Variants in HCN1 observed in about 807,000 individuals in gnomAD.
HCN1 encodes hyperpolarization activated cyclic nucleotide gated potassium channel 1, also known as potassium/sodium hyperpolarization-activated cyclic nucleotide-gated channel 1.
In HCN1, 13 loss-of-function variants were observed where a neutral mutation model predicts 78.9. That is an observed-to-expected ratio of 0.16 (90% CI 0.11 to 0.26). The LOEUF (loss-of-function observed/expected upper bound fraction) is 0.26. HCN1 is among the 10% of genes least tolerant of loss of function. The pLI, the probability that HCN1 is intolerant of heterozygous loss-of-function variation, is 1.00. For synonymous variants in HCN1, 552 were observed against 455.5 expected, an observed-to-expected ratio of 1.21 and a Z score of -2.70; for missense variants, 810 against 1,154.3, an observed-to-expected ratio of 0.70 and a Z score of 4.32.
Position 45,396,618 on chromosome 5 carries a change from G to A in HCN1, c.1104C>T (p.Ser368=). 1 of 1,613,862 alleles carries A rather than the reference G, an allele frequency of 6.2e-7. No individual in the cohort carries two copies. Residue 368 remains serine, a synonymous_variant, in exon 4 of 8, where the codon AGC becomes AGT. Transcript: ENST00000303230. ...GCATGGTAATCCAGAGGTCAGACATGCTGACTGGGGCTTGGGCTCCATACC... is the reference window on the plus strand; with the variant it reads ...GCATGGTAATCCAGAGGTCAGACATACTGACTGGGGCTTGGGCTCCATACC... ...CIGYGAQAPV[S]MSDLWITMLS...
At chr5:45,587,698 T>TA (rs569434433) in intron 2 of HCN1, among the ~76,000 whole-genome samples, 1 of 151,836 alleles carries the variant, frequency 6.6e-6, no homozygotes, top group Non-Finnish European at 1.5e-5. Context: ...TAAAGTATAA[T>TA]AAAAAAAGAA....
intron 3 of HCN1, among the ~76,000 whole-genome samples, chr5:45,405,449 C>T (rs1739901444): frequency 6.6e-6 from 1 of 152,040 alleles, no homozygotes; most frequent in East Asian, 1.9e-4. Context: ...TGCTCTCTTC[C>T]CTAGGCTGGA....
In HCN1 at chr5:45,593,340, T is replaced by TCACACA. The variant is rs538486679; in HGVS notation, c.849+51839_849+51844dup. On this transcript the variant is annotated intron_variant, in intron 2 of 7. Transcript: ENST00000303230. ...CTCTCTCCCTCTCTCTCTCTCTCTCTCACACACACACACACACACACACAC... is the reference window on the plus strand; with the variant it reads ...CTCTCTCCCTCTCTCTCTCTCTCTCTCACACACACACACACACACACACACACACAC... 5.2e-4 allele frequency among the ~76,000 whole-genome samples: 65 copies of TCACACA among 125,574 alleles called. 1 individual carries two copies. The highest frequency in any genetic ancestry group is 9.3e-4 in the Admixed American group (11 of 11,868). The allele number at this position is 125,574 out of a possible 152,430, so 82.4% of individuals were successfully genotyped here. A position where few individuals can be genotyped will look rare whatever the true frequency, so the allele number is the denominator to read the frequency against.
intron 1 of HCN1, among the ~76,000 whole-genome samples, chr5:45,678,011 CACAT>C (rs1246310379): frequency 2.7e-5 from 3 of 109,988 alleles, no homozygotes; most frequent in East Asian, 2.9e-4. Flanking sequence ...CACACACACA[CACAT>C]ACACACACAC....
intron 6 of HCN1, among the ~76,000 whole-genome samples, chr5:45,296,407 A>T (rs1011647607): frequency 1.1e-4 from 17 of 151,850 alleles, no homozygotes; most frequent in African/African-American, 2.4e-4. Flanking sequence ...AGATAATATT[A>T]AAAAAATGAA....
intron 2 of HCN1, among the ~76,000 whole-genome samples, chr5:45,517,441 G>T (rs1554030338): frequency 7.1e-6 from 1 of 140,168 alleles, no homozygotes; most frequent in Non-Finnish European, 1.5e-5. Context: ...AAAACAAAAA[G>T]ATATTTTCCT....
intron 3 of HCN1, among the ~76,000 whole-genome samples, chr5:45,456,920 GAATT>G (rs1359136398): frequency 1.3e-5 from 2 of 151,966 alleles, no homozygotes; most frequent in African/African-American, 4.8e-5. Context: ...TCAAAAACCA[GAATT>G]ATTTGATGTA....
At chr5:45,362,252 C>T (rs2111992705) in intron 4 of HCN1, among the ~76,000 whole-genome samples, 1 of 151,298 alleles carries the variant, frequency 6.6e-6, no homozygotes, top group Middle Eastern at 3.4e-3. Context: ...ATATAACATG[C>T]CTACCATGGT....
At chr5:45,668,931 G>GA (rs1445142093) in intron 1 of HCN1, among the ~76,000 whole-genome samples, 3 of 151,862 alleles carry the variant, frequency 2.0e-5, no homozygotes, top group Middle Eastern at 3.4e-3. Flanking sequence ...GGTGTTGGGG[G>GA]AAAAACCACT....
At chr5:45,316,236 C>G (rs181447880) in intron 5 of HCN1, among the ~76,000 whole-genome samples, 1 of 152,246 alleles carries the variant, frequency 6.6e-6, no homozygotes, top group Admixed American at 6.5e-5. Flanking sequence ...GGCTTCATCC[C>G]TGGGATGCAA....
At chr5:45,606,724 C>A (rs1437633762) in intron 2 of HCN1, among the ~76,000 whole-genome samples, 1 of 151,842 alleles carries the variant, frequency 6.6e-6, no homozygotes, top group Non-Finnish European at 1.5e-5. Flanking sequence ...AACAAATAAA[C>A]CCCACTAAAG....
intron 3 of HCN1, among the ~76,000 whole-genome samples, chr5:45,422,868 A>G (rs1210419189): frequency 6.6e-6 from 1 of 152,198 alleles, no homozygotes; most frequent in Non-Finnish European, 1.5e-5. Context: ...AATGATGGTT[A>G]CTAGAGACTG....
chr5:45,693,475 C>A (rs1739952472), intron 1 of HCN1, among the ~76,000 whole-genome samples: 1 of 152,070 alleles, frequency 6.6e-6, no homozygotes, highest in East Asian at 1.9e-4. Flanking sequence ...GTCAAATATT[C>A]CAAACTACTC....
intron 2 of HCN1, among the ~76,000 whole-genome samples, chr5:45,539,911 A>C (rs1743058674): frequency 8.0e-6 from 1 of 124,418 alleles, no homozygotes; most frequent in Admixed American, 8.7e-5. Context: ...CATTGTTTTA[A>C]ATTGTGAGAT....
chr5:45,428,748 G>T (rs1367408373), intron 3 of HCN1, among the ~76,000 whole-genome samples: 1 of 151,874 alleles, frequency 6.6e-6, no homozygotes, highest in African/African-American at 2.4e-5. Context: ...ATAGCAAAAA[G>T]ATAGAAAGGC....
intron 5 of HCN1, among the ~76,000 whole-genome samples, chr5:45,319,593 T>G (rs1746079852): frequency 6.6e-6 from 1 of 151,826 alleles, no homozygotes; most frequent in Non-Finnish European, 1.5e-5. Context: ...AGTTCTTTTT[T>G]TGGGGATATG....
chr5:45,601,962 G>C (rs1744633644), intron 2 of HCN1, among the ~76,000 whole-genome samples: 1 of 151,986 alleles, frequency 6.6e-6, no homozygotes, highest in Admixed American at 6.6e-5. Flanking sequence ...TGAATCATGG[G>C]GGTGGTTTCC....
chr5:45,341,772 G>T (rs965167907), intron 5 of HCN1, among the ~76,000 whole-genome samples: 1 of 152,050 alleles, frequency 6.6e-6, no homozygotes, highest in Non-Finnish European at 1.5e-5. Flanking sequence ...AATAACATCT[G>T]CTTATTATGA....
chr5:45,481,363 T>C (rs1218048465), intron 2 of HCN1, among the ~76,000 whole-genome samples: 1 of 152,204 alleles, frequency 6.6e-6, no homozygotes, highest in Non-Finnish European at 1.5e-5. Context: ...AAACTAGATA[T>C]GAATCTCATT....
Sources: gnomAD v4.1 joint callset for allele counts (sites outside exome capture counted in the v4.1 genomes callset) on GRCh38, gnomAD v4.1.1 for gene constraint, MANE v1.5 for transcripts, NCBI Gene and HGNC (gene_info 2026-07-23, HGNC 2026-07-21) for gene names.